The following ACADL variants were observed in gnomAD, a reference collection of about 807,000 sequenced individuals.
ACADL encodes the protein acyl-CoA dehydrogenase long chain.
ACADL carries 60 observed loss-of-function variants against 56.9 expected under a neutral mutation model. The ratio of observed to expected loss-of-function variants is 1.05; its 90% CI spans 0.86 to 1.31. The LOEUF (loss-of-function observed/expected upper bound fraction) is 1.31. Among genes scored for constraint, ACADL ranks in the 50% most tolerant of loss-of-function variants. ACADL has a pLI of 0.00. For missense variants in ACADL, 484 were observed against 525.5 expected (o/e 0.92, Z 0.77); for synonymous variants, 158 against 179.7 (o/e 0.88, Z 0.97).
chr2:210,220,914 G>C, intron 1 of ACADL, 112 bp from the exon 2 acceptor site: 1 of 882,168 alleles, frequency 1.1e-6, no homozygotes, highest in Admixed American at 2.4e-5. Flanking sequence ...TGAGAGGCAA[G>C]TAGAAAGAGT....
intron 2 of ACADL, among the ~76,000 whole-genome samples, chr2:210,218,757 A>G (rs1457365375): frequency 6.6e-6 from 1 of 152,196 alleles, no homozygotes; most frequent in African/African-American, 2.4e-5. Context: ...GTATTGTAAA[A>G]GGCAATTCTC....
At chr2:210,190,748 T>C (rs965775487) in intron 10 of ACADL, among the ~76,000 whole-genome samples, 1 of 152,050 alleles carries the variant, frequency 6.6e-6, no homozygotes, top group Non-Finnish European at 1.5e-5. Context: ...AAAACACCTC[T>C]TATCTATGAA....
chr2:210,190,031 CT>C (rs955150394), intron 10 of ACADL, among the ~76,000 whole-genome samples: 8 of 148,028 alleles, frequency 5.4e-5, no homozygotes, highest in African/African-American at 1.7e-4. Flanking sequence ...AAAGGCTTTT[CT>C]TTTTTTTTTC....
At position 210,220,751 on chromosome 2, in the gene ACADL, T is replaced by A. The variant is rs776966791; in HGVS notation, c.129A>T (p.Lys43Asn). ...EERLETPSAK[K>N]LTDIGIRRIF... ...TTCTTCGAATTCCTATATCTGTTAA[T>A]TTTTTAGCAGAAGGAGTTTCTAGAC... The change falls in exon 2 of 11, where the codon AAA (lysine) becomes AAT (asparagine). Residue 43 changes from lysine (K) to asparagine (N), a missense_variant. Lys to Asn is a moderately conservative substitution (Grantham distance 94). Coordinates refer to ENST00000233710, the MANE Select transcript of ACADL (RefSeq NM_001608.4). 36 of 1,611,836 alleles carry A rather than the reference T, an allele frequency of 2.2e-5. No homozygotes were observed. The Admixed American group carries it at 3.3e-4, about 15-fold the overall frequency.
In ACADL at chr2:210,214,510, A is replaced by AG. The variant is rs1553690971; in HGVS notation, c.536+1836_536+1837insC. Reference sequence around the variant, plus strand: ...AAGAAAGAAAGAAAGAAAGAAAGAAAAAGAAAGAAAGAAAGAAAGAAATCT... The same window carrying AG: ...AAGAAAGAAAGAAAGAAAGAAAGAAAGAAGAAAGAAAGAAAGAAAGAAATCT... On this transcript the variant is annotated intron_variant, in intron 4 of 10. Transcript: ENST00000233710. 7.4e-3 allele frequency among the ~76,000 whole-genome samples: 26 copies of AG among 3,522 alleles called. No homozygotes were observed. In the East Asian group the frequency reaches 0.18, roughly 24 times the overall value. 2.3% of individuals were successfully genotyped at this position (3,522 alleles called of 152,430 possible).
At chr2:210,207,916 C>G (rs1243114959) in intron 5 of ACADL, among the ~76,000 whole-genome samples, 2 of 152,054 alleles carry the variant, frequency 1.3e-5, no homozygotes, top group Non-Finnish European at 2.9e-5. Flanking sequence ...ACAGAGGAGG[C>G]CAAAGGATGT....
intron 4 of ACADL, among the ~76,000 whole-genome samples, chr2:210,214,711 G>GAGCTGGAAGTGGAACATGCTA (rs1411076891): frequency 6.6e-6 from 1 of 152,124 alleles, no homozygotes; most frequent in Non-Finnish European, 1.5e-5. Context: ...AATATGCAAT[G>GAGCTGGAAGTGGAACATGCTA]AGCTGGAAGT....
chr2:210,208,700 T>C (rs1688930986), intron 5 of ACADL, among the ~76,000 whole-genome samples: 1 of 152,232 alleles, frequency 6.6e-6, no homozygotes, highest in South Asian at 2.1e-4. Context: ...AATTTTAATA[T>C]AGTAAAAATG....
intron 8 of ACADL, among the ~76,000 whole-genome samples, chr2:210,199,813 C>A (rs1273369968): frequency 6.6e-6 from 1 of 152,052 alleles, no homozygotes; most frequent in Non-Finnish European, 1.5e-5. Context: ...AGTGAGATCT[C>A]AGCTCACTGC....
chr2:210,193,240 T>G (rs1270637793), intron 9 of ACADL, among the ~76,000 whole-genome samples: 11 of 152,174 alleles, frequency 7.2e-5, no homozygotes, highest in Admixed American at 7.2e-4. Flanking sequence ...CTCTATATGA[T>G]CTAAATTACT....
At chr2:210,192,747 G>GA in intron 10 of ACADL, 57 bp downstream of exon 10, 1 of 1,349,548 alleles carries the variant, frequency 7.4e-7, no homozygotes, top group Non-Finnish European at 1.1e-6. Context: ...ACAAAGTAAA[G>GA]AAATTTTCCT....
intron 9 of ACADL, among the ~76,000 whole-genome samples, chr2:210,193,252 A>C (rs978418620): frequency 1.3e-5 from 2 of 152,174 alleles, no homozygotes; most frequent in South Asian, 4.1e-4. Flanking sequence ...TAAATTACTC[A>C]GCCACCTAGT....
In ACADL at chr2:210,220,884, A is replaced by G; in HGVS notation, c.78-82T>C. The G allele has an allele frequency of 2.6e-6, 3 of 1,149,106 alleles. No homozygotes were observed. The South Asian group carries it at 4.2e-5, about 16-fold the overall frequency. 71.2% of individuals were successfully genotyped at this position (1,149,106 alleles called of 1,614,324 possible). On this transcript the variant is annotated intron_variant, in intron 1 of 10. Coordinates refer to ENST00000233710, the MANE Select transcript of ACADL (RefSeq NM_001608.4). ...AAATTAGTGCCACTGAACAACATGG[A>G]TTTCTTTCACAGAGAAACTTGAGAG...
At chr2:210,213,192 A>G (rs1689015966) in intron 4 of ACADL, among the ~76,000 whole-genome samples, 1 of 152,192 alleles carries the variant, frequency 6.6e-6, no homozygotes, top group Non-Finnish European at 1.5e-5. Flanking sequence ...ATGTCTGTAC[A>G]TAGTTTATTA....
intron 8 of ACADL, among the ~76,000 whole-genome samples, chr2:210,196,664 T>C (rs967583658): frequency 6.6e-6 from 1 of 152,154 alleles, no homozygotes; most frequent in Non-Finnish European, 1.5e-5. Context: ...GCTCCAAAAG[T>C]ATACTCCATT....
In ACADL at chr2:210,195,266, G is replaced by A. The variant is rs370145222; in HGVS notation, c.1057C>T (p.Gln353Ter). The change falls in exon 9 of 11, where the codon CAG (glutamine) becomes TAG (stop). Residue 353 changes from glutamine (Q) to a stop codon, truncating the protein, a stop_gained. Transcript: ENST00000233710. LOFTEE classifies it high-confidence loss of function. ...TCCAAACGTTTCGCTTCATGCAGCT[G>A]GAGACAGTTGTCCACAAATGCTCGG... ...VTRAFVDNCL[Q>*]LHEAKRLDSA... 1.2e-6 allele frequency: 2 copies of A among 1,613,736 alleles called. No homozygotes were observed. Among genetic ancestry groups the A allele is most frequent in the Non-Finnish European group, 1.7e-6 (2 of 1,179,924 alleles).
intron 10 of ACADL, among the ~76,000 whole-genome samples, chr2:210,192,527 A>T (rs528593485): frequency 6.6e-6 from 1 of 152,112 alleles, no homozygotes; most frequent in Non-Finnish European, 1.5e-5. Flanking sequence ...AAATTTTTGA[A>T]AATACTATTT....
intron 5 of ACADL, among the ~76,000 whole-genome samples, chr2:210,207,382 T>C (rs1430045237): frequency 6.6e-6 from 1 of 152,164 alleles, no homozygotes; most frequent in African/African-American, 2.4e-5. Context: ...TTATTGCTTG[T>C]CCCACTTTCC....
chr2:210,195,488 G>T, intron 8 of ACADL, 150 bp from the exon 9 acceptor site: 1 of 846,868 alleles, frequency 1.2e-6, no homozygotes, highest in Non-Finnish European at 1.9e-6. Flanking sequence ...AATGGCATTT[G>T]TTACCAAATC....
Sources: gnomAD v4.1 joint callset for allele counts (sites outside exome capture counted in the v4.1 genomes callset) on GRCh38, gnomAD v4.1.1 for gene constraint, MANE v1.5 for transcripts, NCBI Gene and HGNC (gene_info 2026-07-23, HGNC 2026-07-21) for gene names.